Variants in WWOX observed in about 807,000 individuals in gnomAD.
WWOX encodes the protein WW domain-containing oxidoreductase.
A neutral mutation model predicts 46.2 loss-of-function variants in WWOX; 69 were observed. The observed-to-expected ratio is 1.49, with a 90% confidence interval of 1.23 to 1.82. WWOX has a LOEUF of 1.82. Among genes scored for constraint, WWOX ranks in the 40% most tolerant of loss-of-function variants. The pLI, the probability that WWOX is intolerant of heterozygous loss-of-function variation, is 0.00. For missense variants in WWOX, 919 were observed against 542.6 expected (o/e 1.69, Z -6.89); for synonymous variants, 359 against 202.6 (o/e 1.77, Z -6.56).
intron 8 of WWOX, among the ~76,000 whole-genome samples, chr16:78,955,509 G>C (rs530582876): frequency 2.0e-5 from 3 of 152,240 alleles, no homozygotes; most frequent in South Asian, 2.1e-4. Flanking sequence ...AGTTCACCTC[G>C]TGTAAGCACA....
At chr16:78,576,786 G>A (rs1300557534) in intron 8 of WWOX, among the ~76,000 whole-genome samples, 1 of 152,162 alleles carries the variant, frequency 6.6e-6, no homozygotes, top group Non-Finnish European at 1.5e-5. Flanking sequence ...AGCTATGATT[G>A]TGCCACTGCA....
chr16:79,093,632 C>T (rs1597369319), intron 8 of WWOX, among the ~76,000 whole-genome samples: 1 of 152,350 alleles, frequency 6.6e-6, no homozygotes, highest in African/African-American at 2.4e-5. Context: ...TTGGCACCCA[C>T]AACAAACATC....
intron 8 of WWOX, among the ~76,000 whole-genome samples, chr16:78,936,783 A>G (rs894891765): frequency 5.3e-5 from 8 of 152,142 alleles, no homozygotes; most frequent in Middle Eastern, 3.2e-3. Flanking sequence ...AGTCAGTGCT[A>G]CCGTTTGAAG....
At chr16:78,456,228 A>G (rs1403009027) in intron 8 of WWOX, among the ~76,000 whole-genome samples, 1 of 152,190 alleles carries the variant, frequency 6.6e-6, no homozygotes, top group East Asian at 1.9e-4. Flanking sequence ...TAAGTTGGGA[A>G]GAGGGACACA....
chr16:78,764,036 C>T (rs7198997), intron 8 of WWOX, among the ~76,000 whole-genome samples: 1 of 151,868 alleles, frequency 6.6e-6, no homozygotes, highest in East Asian at 1.9e-4. Context: ...GCACCAGCTG[C>T]GTAGGATATG....
At chr16:78,872,094 C>T (rs1047376823) in intron 8 of WWOX, among the ~76,000 whole-genome samples, 1 of 152,182 alleles carries the variant, frequency 6.6e-6, no homozygotes, top group Admixed American at 6.5e-5. Context: ...ACGTTCATTT[C>T]CACTTCTAAT....
chr16:78,564,010 C>T (rs2738523), intron 8 of WWOX, among the ~76,000 whole-genome samples: 1 of 152,322 alleles, frequency 6.6e-6, no homozygotes, highest in South Asian at 2.1e-4. Context: ...CCTTTTACTT[C>T]TGGGTGCGAA....
At chr16:78,715,348 C>A (rs1180239545) in intron 8 of WWOX, among the ~76,000 whole-genome samples, 1 of 152,144 alleles carries the variant, frequency 6.6e-6, no homozygotes, top group Middle Eastern at 3.2e-3. Flanking sequence ...AGTTCTTCAT[C>A]CCCAGCTTTG....
chr16:78,368,952 G>T (rs1029142457), intron 5 of WWOX, among the ~76,000 whole-genome samples: 1 of 152,032 alleles, frequency 6.6e-6, no homozygotes, highest in Non-Finnish European at 1.5e-5. Flanking sequence ...GCTCCTCATA[G>T]ACTTCCTGTC....
At chr16:78,284,738 G>C (rs1318066930) in intron 5 of WWOX, among the ~76,000 whole-genome samples, 1 of 152,120 alleles carries the variant, frequency 6.6e-6, no homozygotes, top group Non-Finnish European at 1.5e-5. Context: ...GAATTTCCTG[G>C]TAGAAGTTTA....
chr16:79,155,721 G>C (rs1277932476), intron 8 of WWOX, among the ~76,000 whole-genome samples: 1 of 152,138 alleles, frequency 6.6e-6, no homozygotes, highest in Non-Finnish European at 1.5e-5. Flanking sequence ...ACATTCCTAA[G>C]AAGCTCCTAA....
chr16:78,417,821 G>T lies in WWOX; in HGVS notation c.606-7049G>T, dbSNP rs1475987366. On this transcript the variant is annotated intron_variant, in intron 6 of 8. Coordinates refer to ENST00000566780, the MANE Select transcript of WWOX (RefSeq NM_016373.4). Reference sequence around the variant, plus strand: ...GGGACTGTGTATTGACAATTGTAGTGGGCACCCTATGTGGAAAACAGGTGT... The same window carrying T: ...GGGACTGTGTATTGACAATTGTAGTTGGCACCCTATGTGGAAAACAGGTGT... 2.0e-5 allele frequency among the ~76,000 whole-genome samples: 3 copies of T among 152,098 alleles called. No homozygotes were observed. The East Asian group carries it at 5.8e-4, about 29-fold the overall frequency.
chr16:79,075,700 A>T (rs1250589849), intron 8 of WWOX, among the ~76,000 whole-genome samples: 1 of 151,992 alleles, frequency 6.6e-6, no homozygotes, highest in East Asian at 1.9e-4. Context: ...CTATAGGTGT[A>T]CATCACCACA....
chr16:78,748,768 G>C (rs1357286337), intron 8 of WWOX, among the ~76,000 whole-genome samples: 1 of 152,226 alleles, frequency 6.6e-6, no homozygotes. Flanking sequence ...ACTGCTCGGT[G>C]ATATTACATC....
At chr16:78,587,193 C>CTTTTTTTTTTTTTTTT (rs528293412) in intron 8 of WWOX, among the ~76,000 whole-genome samples, 9 of 112,906 alleles carry the variant, frequency 8.0e-5, no homozygotes, top group African/African-American at 3.1e-4. Flanking sequence ...GCCTGGCTAA[C>CTTTTTTTTTTTTTTTT]TTTTTTTTTT....
chr16:78,743,581 A>G (rs1362273768), intron 8 of WWOX, among the ~76,000 whole-genome samples: 3 of 152,156 alleles, frequency 2.0e-5, no homozygotes, highest in Non-Finnish European at 4.4e-5. Flanking sequence ...TCCACAACTA[A>G]GTTATAAAAG....
In WWOX at chr16:78,951,949, G is replaced by C. The variant is rs1375583977; in HGVS notation, c.1057-259659G>C. 4.6e-5 allele frequency among the ~76,000 whole-genome samples: 7 copies of C among 152,306 alleles called. No homozygotes were observed. The East Asian group carries it at 1.2e-3, about 25-fold the overall frequency. ...CCTTCCATAATATTTTTAAACTGTAGCAAAGTGATCTTTTTGAGACCCAAA... is the reference window on the plus strand; with the variant it reads ...CCTTCCATAATATTTTTAAACTGTACCAAAGTGATCTTTTTGAGACCCAAA... On this transcript the variant is annotated intron_variant, in intron 8 of 8. Transcript: ENST00000566780.
intron 8 of WWOX, among the ~76,000 whole-genome samples, chr16:78,574,486 G>T (rs77483356): frequency 6.6e-6 from 1 of 151,964 alleles, no homozygotes; most frequent in Non-Finnish European, 1.5e-5. Flanking sequence ...TAAAGTTGTC[G>T]GTGGTTGCTT....
chr16:78,610,357 T>C (rs1370694441), intron 8 of WWOX, among the ~76,000 whole-genome samples: 2 of 152,232 alleles, frequency 1.3e-5, no homozygotes, highest in East Asian at 3.8e-4. Flanking sequence ...TTACTATTCA[T>C]GTGTAAGAAT....
Sources: allele counts gnomAD v4.1 joint callset (sites outside exome capture counted in the v4.1 genomes callset), GRCh38; gene constraint gnomAD v4.1.1; transcripts MANE v1.5; gene names NCBI Gene and HGNC (gene_info 2026-07-23, HGNC 2026-07-21).